CEP112: variants seen among roughly 807,000 people sequenced by gnomAD.
CEP112 encodes the protein centrosomal protein 112.
CEP112 carries 127 observed loss-of-function variants against 153.0 expected under a neutral mutation model. The ratio of observed to expected loss-of-function variants is 0.83; its 90% CI spans 0.72 to 0.96. The LOEUF (loss-of-function observed/expected upper bound fraction) is 0.96. CEP112 is among the 40% of genes least tolerant of loss of function. The pLI, the probability that CEP112 is intolerant of heterozygous loss-of-function variation, is 0.00. For synonymous variants in CEP112, 358 were observed against 374.4 expected, an observed-to-expected ratio of 0.96 and a Z score of 0.51; for missense variants, 1,089 against 1,101.2, an observed-to-expected ratio of 0.99 and a Z score of 0.16.
intron 19 of CEP112, among the ~76,000 whole-genome samples, chr17:65,916,287 G>GTGTGTGTGTGTGTGTGTGTGTGTGTA: frequency 6.8e-6 from 1 of 147,494 alleles, no homozygotes; most frequent in Non-Finnish European, 1.5e-5. Context: ...GTGTGTGTGT[G>GTGTGTGTGTGTGTGTGTGTGTGTGTA]TGTGTATGTG....
intron 21 of CEP112, among the ~76,000 whole-genome samples, chr17:65,794,212 T>C (rs2054769813): frequency 6.6e-6 from 1 of 152,214 alleles, no homozygotes; most frequent in Non-Finnish European, 1.5e-5. Flanking sequence ...CTTAAGGCCA[T>C]ATTCTTAATA....
intron 8 of CEP112, among the ~76,000 whole-genome samples, chr17:66,091,836 G>A (rs897106202): frequency 1.3e-5 from 2 of 151,992 alleles, no homozygotes; most frequent in African/African-American, 2.4e-5. Context: ...AATAAGAAAT[G>A]AAAGAGATGT....
chr17:65,866,230 T>C (rs1392295071), intron 20 of CEP112, among the ~76,000 whole-genome samples: 1 of 152,102 alleles, frequency 6.6e-6, no homozygotes. Flanking sequence ...TGGAGCAAGG[T>C]TGGGGCCGAG....
chr17:65,713,514 C>A (rs1051434384), intron 23 of CEP112, among the ~76,000 whole-genome samples: 3 of 152,210 alleles, frequency 2.0e-5, no homozygotes, highest in African/African-American at 7.2e-5. Context: ...AAATATTTCA[C>A]AAATAATAGT....
intron 21 of CEP112, among the ~76,000 whole-genome samples, chr17:65,849,523 T>A (rs1264551180): frequency 6.6e-6 from 1 of 152,182 alleles, no homozygotes; most frequent in Non-Finnish European, 1.5e-5. Context: ...ACCCTGTAAA[T>A]TAGCATCACG....
At chr17:66,075,857 G>A (rs547293892) in intron 8 of CEP112, among the ~76,000 whole-genome samples, 9 of 152,268 alleles carry the variant, frequency 5.9e-5, no homozygotes, top group South Asian at 2.1e-4. Context: ...TGCAGGACGC[G>A]GGAGACACCC....
intron 23 of CEP112, among the ~76,000 whole-genome samples, chr17:65,714,377 A>G (rs903096889): frequency 6.6e-6 from 1 of 152,140 alleles, no homozygotes; most frequent in South Asian, 2.1e-4. Flanking sequence ...TCAACACTAC[A>G]TATTTTATGG....
chr17:66,053,606 T>G, intron 12 of CEP112, 130 bp downstream of exon 12: 1 of 834,468 alleles, frequency 1.2e-6, no homozygotes. Context: ...CTGTATGGAG[T>G]AGGAAGGTAA....
intron 25 of CEP112, 72 bp downstream of exon 25, chr17:65,640,892 C>T (rs1034608792): frequency 9.7e-6 from 8 of 826,880 alleles, no homozygotes; most frequent in Non-Finnish European, 1.7e-5. Flanking sequence ...AATTTGGAAT[C>T]AGATTTATTT....
chr17:65,864,383 G>A (rs570984110), intron 20 of CEP112, among the ~76,000 whole-genome samples: 1 of 152,242 alleles, frequency 6.6e-6, no homozygotes, highest in African/African-American at 2.4e-5. Flanking sequence ...TCAAGATGTG[G>A]ATTAGATTTC....
chr17:66,030,006 T>C lies in CEP112; in HGVS notation c.1236A>G (p.Glu412=). 3 of 1,613,664 alleles carry C rather than the reference T, an allele frequency of 1.9e-6. No individual in the cohort carries two copies. Among genetic ancestry groups the C allele is most frequent in the Non-Finnish European group, 2.5e-6 (3 of 1,179,810 alleles). ...QTQSTNHMIK[E]LEARVQQLTG... Reference sequence around the variant, plus strand: ...TCAGCTGCTGGACACGGGCCTCCAGTTCTTTGATCATGTGGTTCTAAAAGA... The same window carrying C: ...TCAGCTGCTGGACACGGGCCTCCAGCTCTTTGATCATGTGGTTCTAAAAGA... The change falls in exon 13 of 27, where the codon GAA becomes GAG. Residue 412 remains glutamate, a synonymous_variant. Coordinates refer to ENST00000535342, the MANE Select transcript of CEP112 (RefSeq NM_001199165.4).
chr17:66,073,641 C>G (rs952647143), intron 8 of CEP112, among the ~76,000 whole-genome samples: 1 of 152,280 alleles, frequency 6.6e-6, no homozygotes, highest in Middle Eastern at 3.4e-3. Flanking sequence ...AAGGCCACAC[C>G]TTAGGACTAC....
intron 20 of CEP112, among the ~76,000 whole-genome samples, chr17:65,854,296 A>T (rs913965762): frequency 3.0e-4 from 46 of 152,338 alleles, no homozygotes; most frequent in African/African-American, 1.0e-3. Context: ...GAATTATTTC[A>T]TTTTCAATAT....
At chr17:65,780,072 A>G (rs1262023636) in intron 21 of CEP112, among the ~76,000 whole-genome samples, 1 of 152,122 alleles carries the variant, frequency 6.6e-6, no homozygotes, top group Non-Finnish European at 1.5e-5. Flanking sequence ...ACACAGAGTT[A>G]GTAACTGTGG....
intron 21 of CEP112, among the ~76,000 whole-genome samples, chr17:65,845,034 C>G (rs747941931): frequency 3.3e-5 from 5 of 150,084 alleles, no homozygotes; most frequent in Non-Finnish European, 4.4e-5. Flanking sequence ...TATGTTATAT[C>G]AAAGGCCGGA....
intron 6 of CEP112, among the ~76,000 whole-genome samples, chr17:66,121,946 G>A (rs1019810462): frequency 1.3e-5 from 2 of 152,220 alleles, no homozygotes; most frequent in African/African-American, 2.4e-5. Flanking sequence ...CCAGGCTGGA[G>A]TGCAATGGTG....
intron 8 of CEP112, among the ~76,000 whole-genome samples, chr17:66,081,856 G>C (rs1381394206): frequency 2.6e-5 from 4 of 152,002 alleles, no homozygotes; most frequent in African/African-American, 4.8e-5. Flanking sequence ...CAGAGATTAT[G>C]GTGAGCCGAG....
chr17:65,849,473 A>T (rs2057847999), intron 21 of CEP112, among the ~76,000 whole-genome samples: 1 of 152,202 alleles, frequency 6.6e-6, no homozygotes, highest in African/African-American at 2.4e-5. Context: ...TCTGGAATAT[A>T]AAAATTCAGG....
At chr17:66,129,898 TA>T in intron 5 of CEP112, 75 bp from the exon 6 acceptor site, 1 of 856,286 alleles carries the variant, frequency 1.2e-6, no homozygotes, top group Admixed American at 2.6e-5. Context: ...ATGGAAGAGA[TA>T]AAAGAGGAAA....
Sources: allele counts gnomAD v4.1 joint callset (sites outside exome capture counted in the v4.1 genomes callset), GRCh38; gene constraint gnomAD v4.1.1; transcripts MANE v1.5; gene names NCBI Gene and HGNC (gene_info 2026-07-23, HGNC 2026-07-21).